The following AGMO variants were observed in gnomAD, a reference collection of about 807,000 sequenced individuals.
The protein encoded by AGMO is alkylglycerol monooxygenase.
Under a neutral mutation model 60.2 loss-of-function variants are expected in AGMO, and 75 were observed. That is an observed-to-expected ratio of 1.25 (90% confidence interval 1.03 to 1.51). The LOEUF (loss-of-function observed/expected upper bound fraction) is 1.51. Ranked by LOEUF, AGMO falls within the 40% of genes most tolerant of loss-of-function variation. AGMO has a pLI of 0.00. For missense variants in AGMO, 763 were observed against 525.5 expected (o/e 1.45, Z -4.42); for synonymous variants, 261 against 177.1 (o/e 1.47, Z -3.76).
the AGMO span, among the ~76,000 whole-genome samples, chr7:15,145,308 G>A: frequency 6.6e-6 from 1 of 151,940 alleles, no homozygotes; most frequent in Non-Finnish European, 1.5e-5. Flanking sequence ...AATGAAGAAT[G>A]ATTATAAAAA....
chr7:15,458,979 G>C (rs755137434), intron 3 of AGMO, among the ~76,000 whole-genome samples: 1 of 152,080 alleles, frequency 6.6e-6, no homozygotes, highest in Admixed American at 6.6e-5. Flanking sequence ...CAGGTCAGAA[G>C]AGGAATATGA....
At chr7:15,213,821 C>A (rs981624215) in intron 12 of AGMO, among the ~76,000 whole-genome samples, 2 of 151,904 alleles carry the variant, frequency 1.3e-5, no homozygotes, top group East Asian at 3.9e-4. Flanking sequence ...TCAGCAGTAG[C>A]AATAACTCTT....
At chr7:15,403,128 T>G (rs972602908) in intron 5 of AGMO, among the ~76,000 whole-genome samples, 1 of 151,996 alleles carries the variant, frequency 6.6e-6, no homozygotes, top group African/African-American at 2.4e-5. Flanking sequence ...GCAGTAGAGA[T>G]ATTTGAATTT....
chr7:15,215,200 C>A (rs1252628826), intron 12 of AGMO, among the ~76,000 whole-genome samples: 1 of 152,030 alleles, frequency 6.6e-6, no homozygotes, highest in Non-Finnish European at 1.5e-5. Context: ...AAGCAAGACT[C>A]GTAGAGAAAC....
chr7:15,397,255 C>G (rs1784428247), intron 5 of AGMO, among the ~76,000 whole-genome samples: 1 of 152,068 alleles, frequency 6.6e-6, no homozygotes, highest in African/African-American at 2.4e-5. Flanking sequence ...GCATGGTACC[C>G]AGACCCTGAT....
chr7:15,171,401 C>G, the AGMO span, among the ~76,000 whole-genome samples: 1 of 152,160 alleles, frequency 6.6e-6, no homozygotes, highest in Admixed American at 6.5e-5. Context: ...GATCACCCAC[C>G]ACAGTAGTAT....
chr7:15,355,552 A>G (rs1006594501), intron 12 of AGMO, among the ~76,000 whole-genome samples: 14 of 151,370 alleles, frequency 9.2e-5, no homozygotes, highest in Non-Finnish European at 2.1e-4. Flanking sequence ...ATTAATTCAA[A>G]TTATGTATTA....
intron 2 of AGMO, among the ~76,000 whole-genome samples, chr7:15,548,685 T>C (rs1001495451): frequency 6.6e-6 from 1 of 152,138 alleles, no homozygotes; most frequent in Non-Finnish European, 1.5e-5. Flanking sequence ...CAAATCTACG[T>C]CTGATTGGTG....
chr7:15,200,927 A>G lies in AGMO; in HGVS notation c.*358T>C, dbSNP rs901944024. 2 of 167,868 alleles carry G rather than the reference A, an allele frequency of 1.2e-5. No individual in the cohort carries two copies. The highest frequency in any genetic ancestry group is 2.5e-5 in the Non-Finnish European group (2 of 78,942). The allele number at this position is 167,868 out of a possible 1,614,324, so 10.4% of individuals were successfully genotyped here. On this transcript the variant is annotated 3_prime_UTR_variant, in exon 13 of 13. Transcript: ENST00000342526. ...GTATCTATGCATAATTTTAGCAAAC[A>G]TCAAAGGAAACATTGTTTTCAAATT... is the stretch of plus-strand genomic sequence containing the variant.
chr7:15,448,313 A>C (rs761418694), intron 3 of AGMO, among the ~76,000 whole-genome samples: 1 of 152,186 alleles, frequency 6.6e-6, no homozygotes. Context: ...AGAGACTCCA[A>C]AGAGATCCCG....
chr7:15,184,640 G>A, the AGMO span, among the ~76,000 whole-genome samples: 1 of 34,946 alleles, frequency 2.9e-5, no homozygotes, highest in Non-Finnish European at 5.1e-5. Context: ...GGAAGGAAGG[G>A]AAAGGAGGAA....
chr7:15,379,225 G>A (rs1228711933), intron 10 of AGMO, among the ~76,000 whole-genome samples: 1 of 151,930 alleles, frequency 6.6e-6, no homozygotes, highest in African/African-American at 2.4e-5. Flanking sequence ...GAAATCAAGA[G>A]CAAAGAAATC....
At chr7:15,363,840 C>T (rs1583460072) in intron 12 of AGMO, among the ~76,000 whole-genome samples, 1 of 152,156 alleles carries the variant, frequency 6.6e-6, no homozygotes, top group Non-Finnish European at 1.5e-5. Context: ...CCTAAGAGTA[C>T]TCTCATTAAA....
chr7:15,273,554 G>T (rs1298777132), intron 12 of AGMO, among the ~76,000 whole-genome samples: 1 of 152,138 alleles, frequency 6.6e-6, no homozygotes. Flanking sequence ...GTCAGGTAGT[G>T]TGATGCCTCC....
At chr7:15,557,588 G>A (rs980272558) in intron 2 of AGMO, among the ~76,000 whole-genome samples, 1 of 150,874 alleles carries the variant, frequency 6.6e-6, no homozygotes, top group African/African-American at 2.4e-5. Flanking sequence ...TTTATATCTG[G>A]GTTTGGGATT....
chr7:15,373,703 T>C (rs1217597693), intron 10 of AGMO, among the ~76,000 whole-genome samples: 2 of 152,160 alleles, frequency 1.3e-5, no homozygotes, highest in Non-Finnish European at 2.9e-5. Flanking sequence ...ATGAAAAAAT[T>C]CTTTTTTTAA....
intron 3 of AGMO, among the ~76,000 whole-genome samples, chr7:15,522,696 C>A (rs184425612): frequency 1.3e-5 from 2 of 152,014 alleles, no homozygotes; most frequent in Non-Finnish European, 2.9e-5. Flanking sequence ...AAAATTAACT[C>A]GAGATTTATT....
At chr7:15,480,805 G>T (rs1260997995) in intron 3 of AGMO, among the ~76,000 whole-genome samples, 1 of 152,020 alleles carries the variant, frequency 6.6e-6, no homozygotes, top group Non-Finnish European at 1.5e-5. Flanking sequence ...GACAATGATT[G>T]GTTGAAGGCC....
Position 15,357,860 on chromosome 7 carries a change from T to A in AGMO, c.1263+7654A>T, listed in dbSNP as rs538852928. 6.8e-4 allele frequency among the ~76,000 whole-genome samples: 103 copies of A among 152,342 alleles called. 1 individual carries two copies. Among genetic ancestry groups the A allele is most frequent in the African/African-American group, 2.4e-3 (99 of 41,582 alleles). ...TTGTGAGAAATAATAAATCTTCATT[T>A]GCTTTAAGCCATTAAGTTTTGGCTT... is the stretch of plus-strand genomic sequence containing the variant. On this transcript the variant is annotated intron_variant, in intron 12 of 12. Transcript: ENST00000342526.
Sources: allele counts gnomAD v4.1 joint callset (sites outside exome capture counted in the v4.1 genomes callset), GRCh38; gene constraint gnomAD v4.1.1; transcripts MANE v1.5; gene names NCBI Gene and HGNC (gene_info 2026-07-23, HGNC 2026-07-21).